EPB41L3: variants seen among roughly 807,000 people sequenced by gnomAD.
The protein encoded by EPB41L3 is band 4.1-like protein 3.
Under a neutral mutation model 127.1 loss-of-function variants are expected in EPB41L3, and 57 were observed. The ratio of observed to expected loss-of-function variants is 0.45; its 90% confidence interval spans 0.36 to 0.56. EPB41L3 has a LOEUF of 0.56. Ranked by LOEUF, EPB41L3 falls within the 20% of genes least tolerant of loss-of-function variation. EPB41L3 has a pLI of 0.00. For missense variants in EPB41L3, 1,273 were observed against 1,372.2 expected (o/e 0.93, Z 1.14); for synonymous variants, 572 against 549.5 (o/e 1.04, Z -0.57).
At chr18:5,609,872 A>T (rs2094705799) in intron 3 of EPB41L3, among the ~76,000 whole-genome samples, 2 of 152,202 alleles carry the variant, frequency 1.3e-5, no homozygotes, top group African/African-American at 4.8e-5. Flanking sequence ...TAAACCCAAA[A>T]AAAAAACAAC....
intron 3 of EPB41L3, among the ~76,000 whole-genome samples, chr18:5,593,999 A>G (rs912974869): frequency 7.2e-5 from 11 of 152,126 alleles, no homozygotes; most frequent in African/African-American, 2.4e-4. Context: ...ATGCTCTACA[A>G]TTTGTGCAGT....
intron 1 of EPB41L3, among the ~76,000 whole-genome samples, chr18:5,517,566 G>T (rs139393576): frequency 6.6e-6 from 1 of 152,002 alleles, no homozygotes; most frequent in Non-Finnish European, 1.5e-5. Flanking sequence ...TTTCCGAGTA[G>T]CTGGGACTAC....
chr18:5,466,433 G>A (rs1362120404), intron 3 of EPB41L3: 3 of 152,166 alleles, frequency 2.0e-5, no homozygotes, highest in African/African-American at 7.2e-5. Context: ...TTGTATGAAT[G>A]CTGGTTCTTA....
At chr18:5,475,313 T>A (rs1330463682) in intron 3 of EPB41L3, among the ~76,000 whole-genome samples, 1 of 152,208 alleles carries the variant, frequency 6.6e-6, no homozygotes, top group Non-Finnish European at 1.5e-5. Flanking sequence ...AGGCAAGTAT[T>A]TTCACCTTCA....
chr18:5,618,699 G>A (rs1317991570), intron 1 of EPB41L3, among the ~76,000 whole-genome samples: 1 of 152,118 alleles, frequency 6.6e-6, no homozygotes, highest in Non-Finnish European at 1.5e-5. Context: ...TCAATGAAAA[G>A]TGGTAAAAAA....
intron 2 of EPB41L3, among the ~76,000 whole-genome samples, chr18:5,483,870 G>A (rs1375249989): frequency 1.3e-5 from 2 of 151,264 alleles, no homozygotes; most frequent in African/African-American, 4.9e-5. Flanking sequence ...AATAATGGTA[G>A]GGGACTTCAA....
intron 8 of EPB41L3, among the ~76,000 whole-genome samples, chr18:5,429,951 G>A (rs4798357): frequency 3.3e-5 from 5 of 152,130 alleles, no homozygotes; most frequent in African/African-American, 7.2e-5. Flanking sequence ...GTGCAGGAAC[G>A]AGGACGCACT....
intron 1 of EPB41L3, among the ~76,000 whole-genome samples, chr18:5,494,240 T>A: frequency 6.6e-6 from 1 of 152,122 alleles, no homozygotes; most frequent in East Asian, 1.9e-4. Flanking sequence ...TCCTCCCCAT[T>A]GCAGCAGGTG....
chr18:5,603,565 A>G (rs1431453503), intron 3 of EPB41L3, among the ~76,000 whole-genome samples: 1 of 152,176 alleles, frequency 6.6e-6, no homozygotes, highest in Non-Finnish European at 1.5e-5. Context: ...TTCAATGGAT[A>G]TAAGTCAGCA....
intron 16 of EPB41L3, among the ~76,000 whole-genome samples, chr18:5,405,991 C>T (rs1391589960): frequency 6.6e-6 from 1 of 152,084 alleles, no homozygotes; most frequent in African/African-American, 2.4e-5. Context: ...TTTGGGAGGC[C>T]AAGGTGGGTG....
chr18:5,395,164 G>T lies in EPB41L3; in HGVS notation c.3073-17C>A. The T allele has an allele frequency of 6.2e-7, 1 of 1,609,882 alleles. No homozygotes were observed. Among genetic ancestry groups the T allele is most frequent in the South Asian group, 1.1e-5 (1 of 91,004 alleles). On this transcript the variant is annotated splice_polypyrimidine_tract_variant and intron_variant, in intron 20 of 22. Coordinates refer to ENST00000341928, the MANE Select transcript of EPB41L3 (RefSeq NM_012307.5). ...TTTCACAGTCTGCAAGACACGTAGA[G>T]AAGCTTTATGAATTTACTCACTGGG...
intron 13 of EPB41L3, among the ~76,000 whole-genome samples, chr18:5,411,720 A>T (rs748206907): frequency 6.7e-6 from 1 of 149,152 alleles, no homozygotes; most frequent in African/African-American, 2.6e-5. Flanking sequence ...CTGGTTCTTA[A>T]AATAACCTCC....
chr18:5,549,212 G>A (rs1345356074), upstream of EPB41L3, among the ~76,000 whole-genome samples: 1 of 152,130 alleles, frequency 6.6e-6, no homozygotes, highest in Non-Finnish European at 1.5e-5. Flanking sequence ...TTTAATTCCT[G>A]TTTTCCAGCA....
At chr18:5,567,430 TGAA>T (rs1423344952) in intron 3 of EPB41L3, 1 of 152,186 alleles carries the variant, frequency 6.6e-6, no homozygotes, top group Non-Finnish European at 1.5e-5. Flanking sequence ...TCAATCAAAT[TGAA>T]GAAGGAGAAT....
At chr18:5,630,599 C>G (rs764920023), upstream of EPB41L3, 1 of 488,920 alleles carries the variant, frequency 2.0e-6, no homozygotes, top group Non-Finnish European at 4.1e-6. Flanking sequence ...CAGACCCGGG[C>G]TCCTCCCGCA....
chr18:5,591,466 A>G (rs1599158275), intron 3 of EPB41L3, among the ~76,000 whole-genome samples: 1 of 152,286 alleles, frequency 6.6e-6, no homozygotes, highest in South Asian at 2.1e-4. Flanking sequence ...AAAGGCACTA[A>G]TCTCATTTAT....
At chr18:5,614,646 A>G (rs2094770797) in intron 1 of EPB41L3, among the ~76,000 whole-genome samples, 1 of 150,722 alleles carries the variant, frequency 6.6e-6, no homozygotes, top group Non-Finnish European at 1.5e-5. Flanking sequence ...TCCATTCTCA[A>G]ACCCCTTCTG....
intron 1 of EPB41L3, among the ~76,000 whole-genome samples, chr18:5,619,576 T>G (rs1244829991): frequency 6.6e-6 from 1 of 152,196 alleles, no homozygotes; most frequent in African/African-American, 2.4e-5. Flanking sequence ...CAGGCAGGAA[T>G]GTGCCACTTG....
At chr18:5,419,942 ATACAAT>A (rs751470618) in intron 11 of EPB41L3, 65 bp from the exon 12 acceptor site, 1 of 1,612,836 alleles carries the variant, frequency 6.2e-7, no homozygotes, top group South Asian at 1.1e-5. Flanking sequence ...CTAAAAGCAA[ATACAAT>A]TAAAGAAATA....
Sources: allele counts gnomAD v4.1 joint callset (sites outside exome capture counted in the v4.1 genomes callset), GRCh38; gene constraint gnomAD v4.1.1; transcripts MANE v1.5; gene names NCBI Gene and HGNC (gene_info 2026-07-23, HGNC 2026-07-21).